The following SLC20A2 variants were observed in gnomAD, a reference collection of about 807,000 sequenced individuals.
The protein encoded by SLC20A2 is solute carrier family 20 member 2, also known as sodium-dependent phosphate transporter 2.
In SLC20A2, 30 loss-of-function variants were observed where a neutral mutation model predicts 61.0. The observed-to-expected ratio is 0.49, with a 90% CI of 0.37 to 0.67. The LOEUF (loss-of-function observed/expected upper bound fraction) is 0.67, where lower values mean the gene tolerates loss of function less well. SLC20A2 is among the 30% of genes least tolerant of loss of function. The probability of loss-of-function intolerance (pLI) is 0.00; values close to 1 mark genes in which losing one functional copy is unlikely to be tolerated. For synonymous variants in SLC20A2, 351 were observed against 353.3 expected (o/e 0.99, Z 0.07); for missense variants, 626 against 866.4 (o/e 0.72, Z 3.48).
rs1200396545 is a variant in SLC20A2 at position 42,521,622 on chromosome 8, T to C, written c.-265+20199A>G. Among the ~76,000 whole-genome samples, 5 of 120,478 alleles carry C rather than the reference T, an allele frequency of 4.2e-5. 1 individual carries two copies. The highest frequency in any genetic ancestry group is 1.3e-4 in the African/African-American group (5 of 39,292). 79.0% of individuals were successfully genotyped at this position (120,478 alleles called of 152,430 possible). A position where few individuals can be genotyped will look rare whatever the true frequency, so the allele number is the denominator to read the frequency against. ...CTCCCACCTCAGCCTCCTGAGTAGC[T>C]GGGACTACAGATGCATGCCATCACA... On this transcript the variant is annotated intron_variant, in intron 1 of 10. Coordinates refer to the SLC20A2 transcript ENST00000342228.
At chr8:42,429,921 G>A (rs73675064) in intron 9 of SLC20A2, 143 bp downstream of exon 9, 13 of 612,984 alleles carry the variant, frequency 2.1e-5, no homozygotes, top group African/African-American at 1.9e-4. Context: ...GCTAGGTGGG[G>A]CCATTCTTGC....
chr8:42,447,774 T>C (rs1237881937), intron 5 of SLC20A2, among the ~76,000 whole-genome samples: 3 of 152,196 alleles, frequency 2.0e-5, no homozygotes, highest in African/African-American at 7.2e-5. Context: ...ATATAAGTAT[T>C]AAAAACAAAA....
At chr8:42,447,728 T>C (rs926499755) in intron 5 of SLC20A2, among the ~76,000 whole-genome samples, 1 of 152,114 alleles carries the variant, frequency 6.6e-6, no homozygotes, top group African/African-American at 2.4e-5. Context: ...ATGAATAGAA[T>C]AGGTAGTTAA....
intron 1 of SLC20A2, among the ~76,000 whole-genome samples, chr8:42,488,102 G>A (rs1190576819): frequency 6.7e-6 from 1 of 149,762 alleles, no homozygotes; most frequent in East Asian, 2.0e-4. Flanking sequence ...CCTTGTAGGT[G>A]TAGACCACAC....
intron 1 of SLC20A2, among the ~76,000 whole-genome samples, chr8:42,492,111 C>T (rs760076428): frequency 6.6e-6 from 1 of 152,192 alleles, no homozygotes; most frequent in Non-Finnish European, 1.5e-5. Flanking sequence ...AATCCCAGCA[C>T]TTTGGGAGGC....
intron 5 of SLC20A2, among the ~76,000 whole-genome samples, chr8:42,450,801 A>C (rs1159786328): frequency 6.6e-6 from 1 of 152,230 alleles, no homozygotes; most frequent in African/African-American, 2.4e-5. Context: ...CTGGGATTAC[A>C]GGTGTGAGCC....
intron 1 of SLC20A2, among the ~76,000 whole-genome samples, chr8:42,479,816 C>T (rs1200961909): frequency 6.6e-6 from 1 of 151,978 alleles, no homozygotes; most frequent in Admixed American, 6.6e-5. Flanking sequence ...CGGAGTGAGA[C>T]CTTGTCTGGA....
chr8:42,417,902 C>G lies in SLC20A2; in HGVS notation c.1860G>C (p.Arg620=), dbSNP rs745935797. 5 of 1,613,930 alleles carry G rather than the reference C, an allele frequency of 3.1e-6. No homozygotes were observed. The highest frequency in any genetic ancestry group is 1.7e-5 in the Admixed American group (1 of 59,998). ...SRKAVDWRLF[R]NIFVAWFVTV... ...TCACGAACCAGGCCACGAAGATGTT[C>G]CGAAAGAGGCGCCAGTCCACAGCCT... The change falls in exon 11 of 11, where the codon CGG becomes CGC. Residue 620 remains arginine (R), a synonymous_variant. Coordinates refer to ENST00000520262, the MANE Select transcript of SLC20A2 (RefSeq NM_001257180.2).
chr8:42,528,244 G>A (rs1054108086), intron 1 of SLC20A2, among the ~76,000 whole-genome samples: 30 of 152,094 alleles, frequency 2.0e-4, no homozygotes, highest in African/African-American at 6.0e-4. Context: ...GGCAGATCAC[G>A]AGGTCAGGAG....
intron 7 of SLC20A2, among the ~76,000 whole-genome samples, chr8:42,438,085 A>C (rs111811286): frequency 0.021 from 3,100 of 149,340 alleles, 171 homozygotes; most frequent in African/African-American, 0.071. Flanking sequence ...AAAAAAAAAA[A>C]AAAACATGGA....
intron 1 of SLC20A2, among the ~76,000 whole-genome samples, chr8:42,474,968 TGG>T (rs1391408420): frequency 6.6e-6 from 1 of 150,510 alleles, no homozygotes; most frequent in Non-Finnish European, 1.5e-5. Flanking sequence ...GTTCTCATGG[TGG>T]GAAGGAGGGG....
At chr8:42,492,882 T>C (rs11985697) in intron 1 of SLC20A2, among the ~76,000 whole-genome samples, 2,692 of 152,124 alleles carry the variant, frequency 0.018, 62 homozygotes, top group African/African-American at 0.052. Flanking sequence ...GGGGTTTCGC[T>C]GTGTTAGCCA....
intron 5 of SLC20A2, among the ~76,000 whole-genome samples, chr8:42,451,686 AG>A (rs1442073441): frequency 1.7e-5 from 2 of 120,594 alleles, no homozygotes; most frequent in Non-Finnish European, 3.4e-5. Flanking sequence ...GATGAAGAGG[AG>A]GGGGAGGAAG....
At position 42,454,818 on chromosome 8, in the gene SLC20A2, C is replaced by T. The variant is rs541895759; in HGVS notation, c.613+5078G>A. 1.2e-4 allele frequency among the ~76,000 whole-genome samples: 19 copies of T among 152,122 alleles called. No individual in the cohort carries two copies. The South Asian group carries it at 3.7e-3, about 30-fold the overall frequency. Reference sequence around the variant, plus strand: ...ACACCTGGCTTCAAGTGATGCTCCTCCTCAGCCTTCTTAAGTGCTGGGATG... The same window carrying T: ...ACACCTGGCTTCAAGTGATGCTCCTTCTCAGCCTTCTTAAGTGCTGGGATG... On this transcript the variant is annotated intron_variant, in intron 5 of 10. Coordinates refer to ENST00000520262, the MANE Select transcript of SLC20A2 (RefSeq NM_001257180.2).
At position 42,517,427 on chromosome 8, in the gene SLC20A2, G is replaced by A. The variant is rs569047421; in HGVS notation, c.-265+24394C>T. 4.6e-5 allele frequency among the ~76,000 whole-genome samples: 7 copies of A among 151,674 alleles called. No homozygotes were observed. In the South Asian group the frequency reaches 1.2e-3, roughly 27 times the overall value. ...AAGTAATAAATAAAAATGTGCTATT[G>A]ATGGGAACTTAGAGTACCTTACAGG... On this transcript the variant is annotated intron_variant, in intron 1 of 10. Transcript: ENST00000342228.
intron 1 of SLC20A2, among the ~76,000 whole-genome samples, chr8:42,508,259 G>A (rs1242316148): frequency 6.6e-6 from 1 of 152,262 alleles, no homozygotes; most frequent in Admixed American, 6.5e-5. Context: ...TGGGAAGATC[G>A]CCTGAGGCCA....
At chr8:42,443,187 C>G (rs936163293) in intron 6 of SLC20A2, among the ~76,000 whole-genome samples, 22 of 137,592 alleles carry the variant, frequency 1.6e-4, no homozygotes, top group African/African-American at 5.9e-4. Flanking sequence ...TTATACTATA[C>G]AGTTATTGTA....
rs1019695609 is a variant in SLC20A2, at chr8:42,474,969, G to A, written c.-264-2315C>T. Among the ~76,000 whole-genome samples the A allele has an allele frequency of 2.0e-5, 3 of 152,224 alleles. No homozygotes were observed. In the East Asian group the frequency reaches 5.8e-4, roughly 29 times the overall value. ...ACTCATTCCAGATGGTTCTCATGGTGGGAAGGAGGGGCCAGGAGGCAGGCC... is the reference window on the plus strand; with the variant it reads ...ACTCATTCCAGATGGTTCTCATGGTAGGAAGGAGGGGCCAGGAGGCAGGCC... On this transcript the variant is annotated intron_variant, in intron 1 of 10. Transcript: ENST00000520262.
At chr8:42,446,253 C>T (rs535724619) in intron 5 of SLC20A2, among the ~76,000 whole-genome samples, 1 of 152,314 alleles carries the variant, frequency 6.6e-6, no homozygotes, top group South Asian at 2.1e-4. Flanking sequence ...TAACATTAGC[C>T]AATCCAAGGG....
Sources: gnomAD v4.1 joint callset for allele counts (sites outside exome capture counted in the v4.1 genomes callset) on GRCh38, gnomAD v4.1.1 for gene constraint, MANE v1.5 for transcripts, NCBI Gene and HGNC (gene_info 2026-07-23, HGNC 2026-07-21) for gene names.